The following KIF6 variants were observed in gnomAD, a reference collection of about 807,000 sequenced individuals.
KIF6 encodes kinesin-like protein KIF6.
A neutral mutation model predicts 112.7 loss-of-function variants in KIF6; 106 were observed. The ratio of observed to expected loss-of-function variants is 0.94; its 90% CI spans 0.80 to 1.11. The LOEUF (loss-of-function observed/expected upper bound fraction) is 1.11. Among genes scored for constraint, KIF6 ranks in the 50% least tolerant of loss-of-function variants. The pLI, the probability that KIF6 is intolerant of heterozygous loss-of-function variation, is 0.00. For missense variants in KIF6, 929 were observed against 964.0 expected, an observed-to-expected ratio of 0.96 and a Z score of 0.48; for synonymous variants, 339 against 339.9, an observed-to-expected ratio of 1.00 and a Z score of 0.03.
chr6:39,536,802 T>G (rs1172458003), intron 13 of KIF6, among the ~76,000 whole-genome samples: 1 of 152,192 alleles, frequency 6.6e-6, no homozygotes, highest in Non-Finnish European at 1.5e-5. Context: ...TGAACATTGA[T>G]GCAAAAATCC....
At chr6:39,685,256 A>G (rs1452919213) in intron 3 of KIF6, among the ~76,000 whole-genome samples, 1 of 152,236 alleles carries the variant, frequency 6.6e-6, no homozygotes, top group Non-Finnish European at 1.5e-5. Context: ...ATGGCAAGAC[A>G]ACAAGGCCTC....
intron 3 of KIF6, among the ~76,000 whole-genome samples, chr6:39,642,275 A>ACCAAT (rs1784944790): frequency 6.6e-6 from 1 of 152,208 alleles, no homozygotes; most frequent in South Asian, 2.1e-4. Flanking sequence ...AAAGGCTCAC[A>ACCAAT]CCAATCCAAG....
At chr6:39,627,444 G>A (rs910240611) in intron 5 of KIF6, among the ~76,000 whole-genome samples, 3 of 152,154 alleles carry the variant, frequency 2.0e-5, no homozygotes, top group Admixed American at 6.6e-5. Context: ...CAAACATGGT[G>A]CCTAGCACAA....
intron 16 of KIF6, 38 bp downstream of exon 16, chr6:39,385,584 A>T: frequency 6.5e-7 from 1 of 1,542,188 alleles, no homozygotes; most frequent in Non-Finnish European, 9.0e-7. Context: ...AGTTTATATT[A>T]CCTTCATCCT....
chr6:39,664,516 T>C (rs1403560578), intron 3 of KIF6, among the ~76,000 whole-genome samples: 2 of 152,176 alleles, frequency 1.3e-5, no homozygotes, highest in Non-Finnish European at 2.9e-5. Context: ...GACAGTTGAC[T>C]TCACATAAAA....
At chr6:39,604,670 C>G (rs1561856570) in intron 6 of KIF6, among the ~76,000 whole-genome samples, 1 of 152,086 alleles carries the variant, frequency 6.6e-6, no homozygotes, top group Non-Finnish European at 1.5e-5. Context: ...CTAGACACAC[C>G]AATTTTATTT....
chr6:39,530,190 T>A (rs113308650), intron 13 of KIF6, among the ~76,000 whole-genome samples: 5 of 152,190 alleles, frequency 3.3e-5, no homozygotes, highest in Non-Finnish European at 5.9e-5. Context: ...CAAATTCTCA[T>A]TGAGGAGGAG....
intron 5 of KIF6, among the ~76,000 whole-genome samples, chr6:39,632,995 G>A (rs1450536598): frequency 6.6e-6 from 1 of 151,868 alleles, no homozygotes. Context: ...CCATTAGAAA[G>A]TTTGATTGAG....
At position 39,342,641 on chromosome 6, in the gene KIF6, A is replaced by C. The variant is rs1763405850; in HGVS notation, c.2428+1068T>G. Among the ~76,000 whole-genome samples the C allele has an allele frequency of 6.8e-6, 1 of 147,094 alleles. No individual in the cohort carries two copies. The highest frequency in any genetic ancestry group is 2.6e-5 in the African/African-American group (1 of 37,936). On this transcript the variant is annotated intron_variant, in intron 22 of 22. Coordinates refer to ENST00000287152, the MANE Select transcript of KIF6 (RefSeq NM_145027.6). This position sits in a 1 kb window ranked among gnomAD's most constrained non-coding sequence, Gnocchi z 4.7. Reference sequence around the variant, plus strand: ...TTTTTATTTTTTTTTATTTTTAGACAAGGAAACTGAGAATGAGACAAGATC... The same window carrying C: ...TTTTTATTTTTTTTTATTTTTAGACCAGGAAACTGAGAATGAGACAAGATC...
chr6:39,725,329 A>G lies in KIF6; in HGVS notation c.-19T>C, dbSNP rs1213954676. 1 of 1,603,672 alleles carries G rather than the reference A, an allele frequency of 6.2e-7. No individual in the cohort carries two copies. The highest frequency in any genetic ancestry group is 8.5e-7 in the Non-Finnish European group (1 of 1,175,138). On this transcript the variant is annotated 5_prime_UTR_variant, in exon 1 of 23. Coordinates refer to ENST00000287152, the MANE Select transcript of KIF6 (RefSeq NM_145027.6). ...TCACCATCTCCTCCCTGGCTCTGCA[A>G]TGACCCTTGACCTCTCTCAGGCCCG...
At chr6:39,701,774 C>T (rs1358921433) in intron 3 of KIF6, among the ~76,000 whole-genome samples, 1 of 152,190 alleles carries the variant, frequency 6.6e-6, no homozygotes, top group Non-Finnish European at 1.5e-5. Flanking sequence ...CACCTGCAGT[C>T]ACTAGTGAAG....
chr6:39,702,389 G>A (rs906743066), intron 3 of KIF6, among the ~76,000 whole-genome samples: 6 of 152,036 alleles, frequency 3.9e-5, no homozygotes, highest in South Asian at 2.1e-4. Flanking sequence ...AGATTCCTTC[G>A]GCCATGGCTG....
At chr6:39,451,131 A>G (rs1201356412) in intron 13 of KIF6, among the ~76,000 whole-genome samples, 1 of 152,162 alleles carries the variant, frequency 6.6e-6, no homozygotes. Context: ...TTAATTCAAC[A>G]AGTATTTACT....
intron 13 of KIF6, among the ~76,000 whole-genome samples, chr6:39,494,077 G>C (rs2150480443): frequency 6.6e-6 from 1 of 152,290 alleles, no homozygotes; most frequent in South Asian, 2.1e-4. Flanking sequence ...TAATCCTTTA[G>C]GGAATGCAAG....
chr6:39,699,962 A>C (rs1403372833), intron 3 of KIF6, among the ~76,000 whole-genome samples: 2 of 152,166 alleles, frequency 1.3e-5, no homozygotes, highest in Non-Finnish European at 2.9e-5. Flanking sequence ...TTTTTGATAC[A>C]TTCCAGCTCA....
At chr6:39,409,638 T>C (rs1255462232) in intron 15 of KIF6, among the ~76,000 whole-genome samples, 1 of 152,234 alleles carries the variant, frequency 6.6e-6, no homozygotes, top group East Asian at 1.9e-4. Flanking sequence ...TGGTGCAGAC[T>C]ATGTGTTAGA....
chr6:39,609,459 G>T (rs75143784), intron 6 of KIF6, among the ~76,000 whole-genome samples: 14,084 of 150,630 alleles, frequency 0.094, 687 homozygotes, highest in Middle Eastern at 0.14. Flanking sequence ...TAGACCACTC[G>T]GACACAGTAT....
intron 13 of KIF6, among the ~76,000 whole-genome samples, chr6:39,480,892 C>A (rs558846409): frequency 3.3e-5 from 5 of 152,202 alleles, no homozygotes; most frequent in African/African-American, 1.2e-4. Context: ...TCTGTCATGT[C>A]AGTTGTAATA....
At chr6:39,438,127 C>T (rs1257394490) in intron 13 of KIF6, among the ~76,000 whole-genome samples, 4 of 152,048 alleles carry the variant, frequency 2.6e-5, no homozygotes, top group Admixed American at 6.6e-5. Context: ...TGTCCGCCAC[C>T]ACGCTCGGCT....
Sources: allele counts gnomAD v4.1 joint callset (sites outside exome capture counted in the v4.1 genomes callset), GRCh38; gene constraint gnomAD v4.1.1; non-coding constraint Gnocchi (gnomAD v3.1); transcripts MANE v1.5; gene names NCBI Gene and HGNC (gene_info 2026-07-23, HGNC 2026-07-21).